Variants in TM9SF2 observed in about 807,000 individuals in gnomAD.
The protein encoded by TM9SF2 is 76 kDa membrane protein.
A neutral mutation model predicts 84.9 loss-of-function variants in TM9SF2; 13 were observed. The ratio of observed to expected loss-of-function variants is 0.15; its 90% confidence interval spans 0.10 to 0.24. The LOEUF (loss-of-function observed/expected upper bound fraction) is 0.24, where lower values mean the gene tolerates loss of function less well. Among genes scored for constraint, TM9SF2 ranks in the 10% least tolerant of loss-of-function variants. The pLI is 1.00. For missense variants in TM9SF2, 562 were observed against 818.5 expected (o/e 0.69, Z 3.82); for synonymous variants, 273 against 285.8 (o/e 0.96, Z 0.45).
intron 1 of TM9SF2, among the ~76,000 whole-genome samples, chr13:99,503,917 A>G (rs897367609): frequency 7.9e-5 from 12 of 152,274 alleles, no homozygotes; most frequent in African/African-American, 2.6e-4. Context: ...ATAGGGATAA[A>G]ACAGGCAGAG....
chr13:99,558,742 A>G (rs567296293), intron 15 of TM9SF2, among the ~76,000 whole-genome samples: 3 of 147,994 alleles, frequency 2.0e-5, no homozygotes, highest in Non-Finnish European at 3.0e-5. Flanking sequence ...GTGTGTGTGT[A>G]TGTGTGTGTA....
intron 13 of TM9SF2, 150 bp downstream of exon 13, chr13:99,552,476 AT>A: frequency 2.4e-6 from 2 of 841,072 alleles, no homozygotes; most frequent in Non-Finnish European, 1.8e-6. Flanking sequence ...TAGTAGTATT[AT>A]TTAGGAGCGT....
At chr13:99,515,736 T>C (rs1003221108) in intron 1 of TM9SF2, among the ~76,000 whole-genome samples, 16 of 143,198 alleles carry the variant, frequency 1.1e-4, no homozygotes, top group African/African-American at 4.6e-4. Flanking sequence ...AAATACTGGT[T>C]TTTTTTTTTT....
intron 1 of TM9SF2, among the ~76,000 whole-genome samples, chr13:99,502,694 A>C (rs1254814479): frequency 6.6e-6 from 1 of 152,218 alleles, no homozygotes; most frequent in Non-Finnish European, 1.5e-5. Context: ...TATTTCGTTA[A>C]GTTTATTTAA....
chr13:99,527,143 T>A (rs9517758), intron 3 of TM9SF2, among the ~76,000 whole-genome samples: 133,613 of 152,070 alleles, frequency 0.88, 58,861 homozygotes, highest in Admixed American at 0.93. Context: ...TTGGGATTCA[T>A]ATGTGGGAAT....
chr13:99,525,981 G>A (rs1430586019), intron 3 of TM9SF2, among the ~76,000 whole-genome samples: 1 of 152,242 alleles, frequency 6.6e-6, no homozygotes. Context: ...GGCAAGAAGG[G>A]ATGGGACCTA....
intron 16 of TM9SF2, among the ~76,000 whole-genome samples, chr13:99,560,340 T>G (rs1287956278): frequency 6.6e-6 from 1 of 152,222 alleles, no homozygotes; most frequent in Non-Finnish European, 1.5e-5. Flanking sequence ...GGAGTCGGGT[T>G]TTGAAGGGCC....
chr13:99,561,574 T>C lies in TM9SF2; in HGVS notation c.1925-1117T>C, dbSNP rs149052495. ...ATTTGTATGTCCTCCAAAACACACA[T>C]TGTGCTTTGCATATAGTAGGGCCTC... On this transcript the variant is annotated intron_variant, in intron 16 of 16. Transcript: ENST00000376387. Among the ~76,000 whole-genome samples, 184 of 152,334 alleles carry C rather than the reference T, an allele frequency of 1.2e-3. 3 individuals are homozygous for C. The highest frequency in any genetic ancestry group is 3.4e-3 in the Middle Eastern group (1 of 294).
intron 4 of TM9SF2, among the ~76,000 whole-genome samples, chr13:99,532,195 G>A (rs905904460): frequency 6.6e-6 from 1 of 151,754 alleles, no homozygotes; most frequent in African/African-American, 2.4e-5. Context: ...GGGACTACAG[G>A]CGCCCGCCAC....
chr13:99,541,505 T>C, intron 8 of TM9SF2, 54 bp from the exon 9 acceptor site: 1 of 1,323,192 alleles, frequency 7.6e-7, no homozygotes, highest in East Asian at 2.3e-5. Flanking sequence ...TAAAAGAGTT[T>C]TACTGTTCCT....
chr13:99,505,035 G>T (rs1360308331), intron 1 of TM9SF2, among the ~76,000 whole-genome samples: 1 of 152,024 alleles, frequency 6.6e-6, no homozygotes, highest in Non-Finnish European at 1.5e-5. Flanking sequence ...GTTTAGTATT[G>T]CCAGATTTCT....
rs575880579 is a variant in TM9SF2, at chr13:99,502,314, G to C, written c.171+537G>C. ...GAGAGCTTGTTCTTTCTAGGACTTT[G>C]ATATCTCGCTTCACAATTAGAAGTT... is the stretch of plus-strand genomic sequence containing the variant. On this transcript the variant is annotated intron_variant, in intron 1 of 16. Coordinates refer to ENST00000376387, the MANE Select transcript of TM9SF2 (RefSeq NM_004800.3). Among the ~76,000 whole-genome samples, 3 of 152,316 alleles carry C rather than the reference G, an allele frequency of 2.0e-5. No homozygotes were observed. The South Asian group carries it at 6.2e-4, about 32-fold the overall frequency.
At chr13:99,520,290 CCTT>C (rs2046153735) in intron 3 of TM9SF2, among the ~76,000 whole-genome samples, 161 bp downstream of exon 3, 1 of 152,150 alleles carries the variant, frequency 6.6e-6, no homozygotes, top group Non-Finnish European at 1.5e-5. Flanking sequence ...GGATCCTTCT[CCTT>C]CTCACAGTGT....
intron 2 of TM9SF2, among the ~76,000 whole-genome samples, chr13:99,518,311 A>C (rs1227447615): frequency 6.6e-6 from 1 of 152,178 alleles, no homozygotes; most frequent in East Asian, 1.9e-4. Flanking sequence ...GGGTTTCACC[A>C]TGTTAGCCAG....
chr13:99,511,453 T>G (rs1341385657), intron 1 of TM9SF2, among the ~76,000 whole-genome samples: 1 of 152,224 alleles, frequency 6.6e-6, no homozygotes, highest in Non-Finnish European at 1.5e-5. Context: ...CTCATTCTTA[T>G]GACACTTTTG....
At chr13:99,503,293 G>A (rs1336324721) in intron 1 of TM9SF2, among the ~76,000 whole-genome samples, 2 of 151,672 alleles carry the variant, frequency 1.3e-5, no homozygotes, top group East Asian at 1.9e-4. Context: ...CTCAAAGTAA[G>A]GGACATAAGC....
At chr13:99,502,049 G>C (rs1265634179) in intron 1 of TM9SF2, among the ~76,000 whole-genome samples, 2 of 152,214 alleles carry the variant, frequency 1.3e-5, no homozygotes, top group Non-Finnish European at 2.9e-5. Flanking sequence ...AGTTTTCCTG[G>C]AACAGGGACC....
At chr13:99,562,457 A>G (rs1334604725) in intron 16 of TM9SF2, among the ~76,000 whole-genome samples, 1 of 152,192 alleles carries the variant, frequency 6.6e-6, no homozygotes, top group African/African-American at 2.4e-5. Flanking sequence ...TGTATTGTAG[A>G]AAGCTTAGGT....
chr13:99,504,049 T>C (rs2139065699), intron 1 of TM9SF2, among the ~76,000 whole-genome samples: 1 of 152,364 alleles, frequency 6.6e-6, no homozygotes, highest in African/African-American at 2.4e-5. Flanking sequence ...TCCTGCGATA[T>C]GACTAACTGG....
Sources: allele counts gnomAD v4.1 joint callset (sites outside exome capture counted in the v4.1 genomes callset), GRCh38; gene constraint gnomAD v4.1.1; transcripts MANE v1.5; gene names NCBI Gene and HGNC (gene_info 2026-07-23, HGNC 2026-07-21).